Variants in RCC1L observed in about 807,000 individuals in gnomAD.
RCC1L encodes RCC1-like G exchanging factor-like protein.
A neutral mutation model predicts 58.6 loss-of-function variants in RCC1L; 46 were observed. The observed-to-expected ratio is 0.79, with a 90% CI of 0.62 to 1.00. The LOEUF is 1.00. RCC1L is among the 50% of genes least tolerant of loss of function. The pLI is 0.00. For synonymous variants in RCC1L, 281 were observed against 262.9 expected (o/e 1.07, Z -0.67); for missense variants, 636 against 623.6 (o/e 1.02, Z -0.21).
intron 1 of RCC1L, among the ~76,000 whole-genome samples, chr7:75,071,330 C>T (rs940058361): frequency 3.9e-5 from 6 of 151,998 alleles, no homozygotes; most frequent in Non-Finnish European, 7.4e-5. Context: ...ATTACCATCC[C>T]CATTCACCAA....
chr7:75,035,862 C>T (rs1413686779), intron 10 of RCC1L, among the ~76,000 whole-genome samples: 10 of 151,836 alleles, frequency 6.6e-5, no homozygotes, highest in Non-Finnish European at 1.0e-4. Flanking sequence ...AAAAATTAGC[C>T]GGGCATGGCT....
intron 6 of RCC1L, among the ~76,000 whole-genome samples, chr7:75,060,559 T>C (rs1806242706): frequency 1.3e-5 from 2 of 152,200 alleles, no homozygotes; most frequent in Non-Finnish European, 2.9e-5. Context: ...GCCTTCCTAG[T>C]AGCTGGGATT....
chr7:75,042,217 C>T lies in RCC1L; in HGVS notation c.*815G>A. 1 of 985,420 alleles carries T rather than the reference C, an allele frequency of 1.0e-6. No homozygotes were observed. Among genetic ancestry groups the T allele is most frequent in the Non-Finnish European group, 1.2e-6 (1 of 829,926 alleles). 61.0% of individuals were successfully genotyped at this position (985,420 alleles called of 1,614,324 possible). A position where few individuals can be genotyped will look rare whatever the true frequency, so the allele number is the denominator to read the frequency against. On this transcript the variant is annotated 3_prime_UTR_variant, in exon 11 of 11. Transcript: ENST00000610322. ...AAAAGGCAGAAAATAGACTTTATTC[C>T]AAGACAGATTTGTAAAAGATGTTTT... is the stretch of plus-strand genomic sequence containing the variant.
rs1460161500 is a variant in RCC1L at position 75,063,275 on chromosome 7, C to T, written c.702+17G>A. ...CCCCAGGAACACAACAAGCAGCTCT[C>T]GGCCCATCTCTCTTACCTGGACCAC... is the stretch of plus-strand genomic sequence containing the variant. On this transcript the variant is annotated intron_variant, in intron 5 of 10. Transcript: ENST00000610322. 18 of 1,613,706 alleles carry T rather than the reference C, an allele frequency of 1.1e-5. No individual in the cohort carries two copies. Among genetic ancestry groups the T allele is most frequent in the East Asian group, 2.2e-5 (1 of 44,884 alleles).
chr7:75,065,241 C>T (rs587603129), intron 3 of RCC1L, among the ~76,000 whole-genome samples: 44 of 151,304 alleles, frequency 2.9e-4, no homozygotes, highest in Admixed American at 8.6e-4. Context: ...CCTTCTCCTA[C>T]AGAGCACACT....
At chr7:75,028,685 C>G (rs999031139) in intron 10 of RCC1L, among the ~76,000 whole-genome samples, 2 of 152,168 alleles carry the variant, frequency 1.3e-5, no homozygotes, top group Non-Finnish European at 2.9e-5. Context: ...TCCCTCAGCC[C>G]GTCGTCCTAA....
intron 2 of RCC1L, among the ~76,000 whole-genome samples, chr7:75,068,013 T>C (rs1172027949): frequency 1.3e-5 from 2 of 151,890 alleles, no homozygotes; most frequent in Non-Finnish European, 2.9e-5. Flanking sequence ...TTGCTCTGAA[T>C]AAAAGGTATA....
At chr7:75,066,546 A>T in intron 3 of RCC1L, 118 bp downstream of exon 3, 1 of 1,396,722 alleles carries the variant, frequency 7.2e-7, no homozygotes, top group East Asian at 2.4e-5. Context: ...AGGAAATACC[A>T]CATTTCACTC....
intron 7 of RCC1L, 69 bp from the exon 8 acceptor site, chr7:75,057,685 TAGGTAC>T: frequency 6.9e-7 from 1 of 1,444,670 alleles, no homozygotes; most frequent in East Asian, 2.3e-5. Flanking sequence ...GTTCTGGTCT[TAGGTAC>T]AGAGTAGCTG....
downstream of RCC1L, among the ~76,000 whole-genome samples, chr7:75,037,503 CTT>C (rs1191475757): frequency 4.2e-4 from 49 of 116,598 alleles, no homozygotes; most frequent in Non-Finnish European, 3.8e-4. Context: ...TGGTTTATAT[CTT>C]TTTTTTTTTT....
chr7:75,061,344 T>C, intron 5 of RCC1L, 53 bp from the exon 6 acceptor site: 2 of 1,522,530 alleles, frequency 1.3e-6, no homozygotes, highest in East Asian at 2.3e-5. Context: ...AGAACCCTGG[T>C]GTCCTCATCC....
chr7:75,055,605 C>A (rs942038976), intron 9 of RCC1L: 2 of 425,128 alleles, frequency 4.7e-6, no homozygotes, highest in Non-Finnish European at 8.8e-6. Flanking sequence ...CAGCACCCGA[C>A]GTACTAGCAA....
chr7:75,053,233 GTCT>G (rs1805973520), intron 9 of RCC1L, among the ~76,000 whole-genome samples: 4 of 105,388 alleles, frequency 3.8e-5, no homozygotes, highest in Non-Finnish European at 6.5e-5. Context: ...TGGAGTTGGG[GTCT>G]GGGGGTGGTG....
intron 10 of RCC1L, among the ~76,000 whole-genome samples, chr7:75,028,742 T>C (rs879231836): frequency 0.11 from 16,754 of 152,144 alleles, 971 homozygotes; most frequent in South Asian, 0.12. Context: ...CCTTCCTCCA[T>C]GGGCATCTCC....
chr7:75,039,672 C>T (rs1805507967), downstream of RCC1L, among the ~76,000 whole-genome samples: 1 of 152,136 alleles, frequency 6.6e-6, no homozygotes, highest in African/African-American at 2.4e-5. Context: ...CTACGTCTTC[C>T]ACCCGGGTGC....
At chr7:75,062,369 A>C (rs1806303443) in intron 5 of RCC1L, among the ~76,000 whole-genome samples, 2 of 152,120 alleles carry the variant, frequency 1.3e-5, no homozygotes, top group Admixed American at 1.3e-4. Flanking sequence ...TAATTAGCCG[A>C]GGATGGTGAT....
Position 75,066,413 on chromosome 7 carries a change from C to A in RCC1L, c.583+251G>T, listed in dbSNP as rs367781711. ...AGCTTGCAGTGAGCCGAGATTACAC[C>A]ACTGCACTCCAGCCTGGGCGACAGA... On this transcript the variant is annotated intron_variant, in intron 3 of 10. Coordinates refer to ENST00000610322, the MANE Select transcript of RCC1L (RefSeq NM_030798.5). Among the ~76,000 whole-genome samples the A allele has an allele frequency of 2.3e-4, 35 of 152,256 alleles. No homozygotes were observed. The East Asian group carries it at 6.2e-3, about 27-fold the overall frequency.
At chr7:75,036,723 G>A (rs1016403767) in intron 10 of RCC1L, among the ~76,000 whole-genome samples, 7 of 152,040 alleles carry the variant, frequency 4.6e-5, no homozygotes, top group Middle Eastern at 3.4e-3. Flanking sequence ...GTGAAACCCC[G>A]TCTCTACTAA....
In RCC1L at chr7:75,044,191, C is replaced by T. The variant is rs1031863094; in HGVS notation, c.1318-1082G>A. Among the ~76,000 whole-genome samples the T allele has an allele frequency of 6.1e-3, 936 of 152,344 alleles. 19 individuals carry two copies. Among genetic ancestry groups the T allele is most frequent in the East Asian group, 0.046 (239 of 5,186 alleles). ...GGTGTGCCCAGGGCCATAGCCAATC[C>T]AGCTATCCAGGAAAGGGGCACTCTG... On this transcript the variant is annotated intron_variant, in intron 10 of 10. Transcript: ENST00000610322.
Sources: allele counts gnomAD v4.1 joint callset (sites outside exome capture counted in the v4.1 genomes callset), GRCh38; gene constraint gnomAD v4.1.1; transcripts MANE v1.5; gene names NCBI Gene and HGNC (gene_info 2026-07-23, HGNC 2026-07-21).